Variants in RALYL observed in about 807,000 individuals in gnomAD.
The protein encoded by RALYL is RNA-binding Raly-like protein.
Under a neutral mutation model 35.1 loss-of-function variants are expected in RALYL, and 29 were observed. That is an observed-to-expected ratio of 0.83 (90% CI 0.61 to 1.13). RALYL has a LOEUF of 1.13. RALYL is among the 50% of genes most tolerant of loss of function. The pLI is 0.00. For synonymous variants in RALYL, 120 were observed against 127.6 expected (o/e 0.94, Z 0.40); for missense variants, 359 against 360.4 (o/e 1.00, Z 0.03).
intron 2 of RALYL, among the ~76,000 whole-genome samples, chr8:84,553,892 A>G (rs1359280436): frequency 6.6e-6 from 1 of 152,186 alleles, no homozygotes; most frequent in African/African-American, 2.4e-5. Context: ...GAAGCAGAAA[A>G]TTTAAGTGTT....
intron 2 of RALYL, among the ~76,000 whole-genome samples, chr8:84,716,941 T>G (rs1036629756): frequency 6.6e-6 from 1 of 152,032 alleles, no homozygotes; most frequent in African/African-American, 2.4e-5. Flanking sequence ...ATCATAGATA[T>G]GCTTTGGGAG....
chr8:84,319,803 A>C (rs955127559), intron 1 of RALYL, among the ~76,000 whole-genome samples: 2 of 152,048 alleles, frequency 1.3e-5, no homozygotes, highest in Non-Finnish European at 2.9e-5. Context: ...ATATATTAGA[A>C]TATGTTTCTG....
intron 2 of RALYL, among the ~76,000 whole-genome samples, chr8:84,717,178 C>G (rs1403286988): frequency 6.6e-6 from 1 of 152,138 alleles, no homozygotes; most frequent in Non-Finnish European, 1.5e-5. Context: ...CAGAGCGGGA[C>G]TCCGTCTCAA....
chr8:84,819,514 T>C (rs1418950709), intron 4 of RALYL, among the ~76,000 whole-genome samples: 2 of 152,202 alleles, frequency 1.3e-5, no homozygotes, highest in Non-Finnish European at 2.9e-5. Flanking sequence ...AGTGGCGTGT[T>C]GAATGCATGG....
chr8:84,209,857 A>G (rs2131144716), intron 1 of RALYL, among the ~76,000 whole-genome samples: 1 of 152,300 alleles, frequency 6.6e-6, no homozygotes, highest in East Asian at 1.9e-4. Context: ...GTGTTCCAAT[A>G]CAATGACTAT....
chr8:84,205,981 G>T (rs1005769524), intron 1 of RALYL, among the ~76,000 whole-genome samples: 6 of 152,098 alleles, frequency 3.9e-5, no homozygotes, highest in African/African-American at 1.4e-4. Context: ...GTGGGTGCAT[G>T]CCTCCCTGTT....
At chr8:84,603,261 A>G (rs1056941973) in intron 2 of RALYL, among the ~76,000 whole-genome samples, 4 of 152,028 alleles carry the variant, frequency 2.6e-5, no homozygotes, top group African/African-American at 9.7e-5. Flanking sequence ...CCCCCAAAAC[A>G]TGACACACTG....
At chr8:84,418,464 A>C (rs2045011298) in intron 1 of RALYL, among the ~76,000 whole-genome samples, 1 of 152,184 alleles carries the variant, frequency 6.6e-6, no homozygotes, top group Admixed American at 6.6e-5. Context: ...GATTAGAATT[A>C]GTTTAGCAGG....
chr8:84,671,181 A>C lies in RALYL; in HGVS notation c.257-103398A>C, dbSNP rs1285202867. ...ATGATATCCTTTGACACCATGTCTC[A>C]CATCCAGGTCATGCTGATGCAAGAG... On this transcript the variant is annotated intron_variant, in intron 2 of 8. Coordinates refer to ENST00000521268, the MANE Select transcript of RALYL (RefSeq NM_173848.7). Among the ~76,000 whole-genome samples, 33 of 152,158 alleles carry C rather than the reference A, an allele frequency of 2.2e-4. 1 individual carries two copies. Among genetic ancestry groups the C allele is most frequent in the Admixed American group, 2.2e-3 (33 of 15,272 alleles).
chr8:84,893,288 A>G (rs537056681), intron 8 of RALYL, among the ~76,000 whole-genome samples: 86 of 152,360 alleles, frequency 5.6e-4, no homozygotes, highest in African/African-American at 1.9e-3. Flanking sequence ...AAAGCATTAG[A>G]TAATTCACAT....
intron 2 of RALYL, among the ~76,000 whole-genome samples, chr8:84,603,008 G>C (rs1341461518): frequency 6.6e-6 from 1 of 151,942 alleles, no homozygotes; most frequent in African/African-American, 2.4e-5. Context: ...AAATGTCCTA[G>C]ACATAAAGAA....
At chr8:84,543,003 A>G (rs1410446958) in intron 2 of RALYL, among the ~76,000 whole-genome samples, 1 of 152,186 alleles carries the variant, frequency 6.6e-6, no homozygotes, top group Admixed American at 6.6e-5. Flanking sequence ...TTGAAAGAAC[A>G]AAATCATTTG....
intron 2 of RALYL, among the ~76,000 whole-genome samples, chr8:84,634,683 A>C (rs1270356071): frequency 6.6e-6 from 1 of 151,824 alleles, no homozygotes; most frequent in East Asian, 1.9e-4. Context: ...AGTTTAAACA[A>C]TGGGAAAAAT....
intron 2 of RALYL, among the ~76,000 whole-genome samples, chr8:84,580,041 A>G (rs1233475858): frequency 6.6e-6 from 1 of 152,236 alleles, no homozygotes; most frequent in Non-Finnish European, 1.5e-5. Flanking sequence ...ATAATTTTAC[A>G]TAATTTTTGG....
chr8:84,271,686 GACA>G (rs887434348), intron 1 of RALYL, among the ~76,000 whole-genome samples: 15 of 151,766 alleles, frequency 9.9e-5, no homozygotes, highest in African/African-American at 3.6e-4. Context: ...TGACACATGC[GACA>G]ACATGAATGA....
At chr8:84,300,994 T>C (rs899629237) in intron 1 of RALYL, among the ~76,000 whole-genome samples, 3 of 152,068 alleles carry the variant, frequency 2.0e-5, no homozygotes, top group Non-Finnish European at 2.9e-5. Context: ...GATCTATGTA[T>C]GTAAGTGTGT....
intron 2 of RALYL, among the ~76,000 whole-genome samples, chr8:84,657,197 T>C (rs75540793): frequency 0.014 from 2,183 of 152,286 alleles, 61 homozygotes; most frequent in African/African-American, 0.049. Context: ...AATTGCCTAA[T>C]AATAGGTGTT....
At chr8:84,844,986 G>T (rs539497280) in intron 4 of RALYL, among the ~76,000 whole-genome samples, 1 of 151,848 alleles carries the variant, frequency 6.6e-6, no homozygotes, top group Admixed American at 6.6e-5. Context: ...GGGAAGGGGG[G>T]AGGGATACCA....
chr8:84,355,973 C>T (rs1352507166), intron 1 of RALYL, among the ~76,000 whole-genome samples: 1 of 149,848 alleles, frequency 6.7e-6, no homozygotes, highest in African/African-American at 2.5e-5. Flanking sequence ...GATTTCCCTG[C>T]CTGCTGTTCT....
Sources: gnomAD v4.1 joint callset for allele counts (sites outside exome capture counted in the v4.1 genomes callset) on GRCh38, gnomAD v4.1.1 for gene constraint, MANE v1.5 for transcripts, NCBI Gene and HGNC (gene_info 2026-07-23, HGNC 2026-07-21) for gene names.